The following ZFAT variants were observed in gnomAD, a reference collection of about 807,000 sequenced individuals.
ZFAT encodes zinc finger and AT-hook domain containing.
ZFAT carries 64 observed loss-of-function variants against 117.7 expected under a neutral mutation model. That is an observed-to-expected ratio of 0.54 (90% CI 0.44 to 0.67). The LOEUF (loss-of-function observed/expected upper bound fraction) is 0.67, where lower values mean the gene tolerates loss of function less well. ZFAT is among the 30% of genes least tolerant of loss of function. The pLI, the probability that ZFAT is intolerant of heterozygous loss-of-function variation, is 0.00. For missense variants in ZFAT, 1,433 were observed against 1,584.5 expected (o/e 0.90, Z 1.62); for synonymous variants, 679 against 615.0 (o/e 1.10, Z -1.54).
chr8:134,562,734 T>C (rs1824140051), intron 11 of ZFAT, among the ~76,000 whole-genome samples: 1 of 152,172 alleles, frequency 6.6e-6, no homozygotes, highest in Non-Finnish European at 1.5e-5. Context: ...ACACCAACTA[T>C]GTAATGGCAG....
At chr8:134,575,105 C>A (rs1825202925) in intron 10 of ZFAT, among the ~76,000 whole-genome samples, 1 of 152,184 alleles carries the variant, frequency 6.6e-6, no homozygotes, top group Non-Finnish European at 1.5e-5. Flanking sequence ...GGTACATGAG[C>A]TGACATCCAT....
At chr8:134,776,848 G>A in the ZFAT span, among the ~76,000 whole-genome samples, 11 of 152,188 alleles carry the variant, frequency 7.2e-5, no homozygotes, top group African/African-American at 1.9e-4. Flanking sequence ...GTATCTGCAC[G>A]TTCAGATAAT....
intron 1 of ZFAT, among the ~76,000 whole-genome samples, chr8:134,692,916 T>C (rs1833651526): frequency 6.6e-6 from 1 of 152,218 alleles, no homozygotes; most frequent in African/African-American, 2.4e-5. Context: ...GATTTTTCTT[T>C]GTCAGAGAAG....
At chr8:134,642,074 A>T (rs1830618046) in intron 2 of ZFAT, among the ~76,000 whole-genome samples, 1 of 152,248 alleles carries the variant, frequency 6.6e-6, no homozygotes, top group Non-Finnish European at 1.5e-5. Context: ...AAAAATCTTA[A>T]GAGATGGATG....
intron 1 of ZFAT, among the ~76,000 whole-genome samples, chr8:134,694,944 A>G (rs1238636190): frequency 1.3e-5 from 2 of 152,208 alleles, no homozygotes; most frequent in African/African-American, 4.8e-5. Flanking sequence ...AAGTTGGAAA[A>G]TTAGTTCTCA....
intron 15 of ZFAT, among the ~76,000 whole-genome samples, chr8:134,493,515 T>C (rs1818207074): frequency 6.6e-6 from 1 of 152,228 alleles, no homozygotes; most frequent in Admixed American, 6.5e-5. Flanking sequence ...GTCTCGGCAG[T>C]CTAGGCATTG....
intron 11 of ZFAT, among the ~76,000 whole-genome samples, chr8:134,550,326 A>AAAAAAAAC (rs1823058945): frequency 6.8e-6 from 1 of 147,344 alleles, no homozygotes; most frequent in South Asian, 2.1e-4. Context: ...AAAAAAAAAA[A>AAAAAAAAC]AAAAAACAGC....
At chr8:134,746,608 C>A in the ZFAT span, among the ~76,000 whole-genome samples, 1 of 152,134 alleles carries the variant, frequency 6.6e-6, no homozygotes, top group African/African-American at 2.4e-5. Context: ...GTTTTCATTT[C>A]CTTTCTGCCC....
At chr8:134,521,619 C>A (rs1296196347) in intron 12 of ZFAT, among the ~76,000 whole-genome samples, 2 of 151,716 alleles carry the variant, frequency 1.3e-5, no homozygotes, top group African/African-American at 4.8e-5. Context: ...AGAGAATGTA[C>A]AACTCTAGGT....
rs375781759 is a variant in ZFAT at position 134,532,977 on chromosome 8, G to A, written c.2977-5C>T. ...GCAATGGGCACAGCGGAAAGGCTGC[G>A]GGGACAATGAGGAGGGGTTAGGAAA... On this transcript the variant is annotated splice_region_variant and splice_polypyrimidine_tract_variant and intron_variant, in intron 11 of 15. Transcript: ENST00000377838. 2.1e-4 allele frequency: 330 copies of A among 1,597,686 alleles called. No homozygotes were observed. The highest frequency in any genetic ancestry group is 2.5e-4 in the Non-Finnish European group (297 of 1,172,338).
chr8:134,501,056 C>A (rs1038303744), intron 15 of ZFAT, among the ~76,000 whole-genome samples: 1 of 152,044 alleles, frequency 6.6e-6, no homozygotes, highest in Non-Finnish European at 1.5e-5. Context: ...ACAGTAAGGG[C>A]TAGGATATAG....
the ZFAT span, among the ~76,000 whole-genome samples, chr8:134,799,065 C>T: frequency 2.6e-5 from 4 of 152,072 alleles, no homozygotes; most frequent in Non-Finnish European, 5.9e-5. Flanking sequence ...GTATGCTATG[C>T]ACCTAAGTAC....
intron 1 of ZFAT, among the ~76,000 whole-genome samples, chr8:134,670,390 A>G (rs1005858663): frequency 1.3e-5 from 2 of 152,284 alleles, no homozygotes; most frequent in Admixed American, 1.3e-4. Context: ...AACAGAAATT[A>G]TAACAAACTG....
In ZFAT at chr8:134,599,603, C is replaced by G. The variant is rs549737964; in HGVS notation, c.2475+833G>C. On this transcript the variant is annotated intron_variant, in intron 7 of 15. Transcript: ENST00000377838. Reference sequence around the variant, plus strand: ...CTACTCACCACACCCAAACACCTGACTTTACCCTTAGTGACAAACTGTTAT... The same window carrying G: ...CTACTCACCACACCCAAACACCTGAGTTTACCCTTAGTGACAAACTGTTAT... 10 of 372,306 alleles carry G rather than the reference C, an allele frequency of 2.7e-5. No individual in the cohort carries two copies. The East Asian group carries it at 7.4e-4, about 28-fold the overall frequency. 23.1% of individuals were successfully genotyped at this position (372,306 alleles called of 1,614,324 possible).
At chr8:134,653,264 CTT>C (rs150558948) in intron 2 of ZFAT, among the ~76,000 whole-genome samples, 1 of 84,674 alleles carries the variant, frequency 1.2e-5, no homozygotes, top group Admixed American at 1.5e-4. Context: ...ACCCAAATGT[CTT>C]TTTTAAAAAA....
chr8:134,556,301 C>T (rs1823620263), intron 11 of ZFAT, among the ~76,000 whole-genome samples: 1 of 151,604 alleles, frequency 6.6e-6, no homozygotes, highest in Non-Finnish European at 1.5e-5. Context: ...GAGAGATCAC[C>T]AGAATGTGAG....
chr8:134,547,092 A>T (rs1490541843), intron 11 of ZFAT, among the ~76,000 whole-genome samples: 1 of 152,204 alleles, frequency 6.6e-6, no homozygotes, highest in Non-Finnish European at 1.5e-5. Flanking sequence ...AGATATTAAC[A>T]TTCTCATCTT....
At chr8:134,583,317 TAATG>T (rs892362579) in intron 10 of ZFAT, among the ~76,000 whole-genome samples, 1 of 152,226 alleles carries the variant, frequency 6.6e-6, no homozygotes, top group African/African-American at 2.4e-5. Context: ...CAATGGTTCT[TAATG>T]AATGAATGAA....
At chr8:134,815,462 T>G in the ZFAT span, among the ~76,000 whole-genome samples, 2 of 152,186 alleles carry the variant, frequency 1.3e-5, no homozygotes, top group African/African-American at 2.4e-5. Flanking sequence ...ACAGCTAAGT[T>G]CACATTTCTG....
Sources: gnomAD v4.1 joint callset for allele counts (sites outside exome capture counted in the v4.1 genomes callset) on GRCh38, gnomAD v4.1.1 for gene constraint, MANE v1.5 for transcripts, NCBI Gene and HGNC (gene_info 2026-07-23, HGNC 2026-07-21) for gene names.